The following TMEM51 variants were observed in gnomAD, a reference collection of about 807,000 sequenced individuals.
TMEM51 encodes the protein chromosome 1 open reading frame 72.
In TMEM51, 8 loss-of-function variants were observed where a neutral mutation model predicts 13.6. The ratio of observed to expected loss-of-function variants is 0.59; its 90% CI spans 0.35 to 1.07. The LOEUF is 1.07. Ranked by LOEUF, TMEM51 falls within the 50% of genes least tolerant of loss-of-function variation. TMEM51 has a pLI of 0.02. For missense variants in TMEM51, 279 were observed against 330.7 expected, an observed-to-expected ratio of 0.84 and a Z score of 1.21; for synonymous variants, 147 against 144.4, an observed-to-expected ratio of 1.02 and a Z score of -0.13.
intron 2 of TMEM51, among the ~76,000 whole-genome samples, chr1:15,212,770 G>C (rs1470288760): frequency 6.6e-6 from 1 of 152,212 alleles, no homozygotes; most frequent in Non-Finnish European, 1.5e-5. Flanking sequence ...TCAGCGCCCT[G>C]CACGCCACAC....
chr1:15,174,987 C>G (rs1175506305), intron 1 of TMEM51, among the ~76,000 whole-genome samples: 1 of 152,212 alleles, frequency 6.6e-6, no homozygotes, highest in Non-Finnish European at 1.5e-5. Context: ...AATATTCAGT[C>G]TGGACAGCAC....
intron 1 of TMEM51, among the ~76,000 whole-genome samples, chr1:15,184,268 G>A (rs1270108259): frequency 2.0e-5 from 3 of 152,124 alleles, no homozygotes; most frequent in African/African-American, 4.8e-5. Context: ...CTCGTGATCC[G>A]CCCACCTCGG....
chr1:15,212,629 C>T (rs1192260757), intron 2 of TMEM51, among the ~76,000 whole-genome samples: 1 of 152,176 alleles, frequency 6.6e-6, no homozygotes, highest in African/African-American at 2.4e-5. Flanking sequence ...TTGGTAGAAC[C>T]GGTGCATTCC....
At chr1:15,156,793 A>G (rs1642606868) in intron 1 of TMEM51, among the ~76,000 whole-genome samples, 1 of 152,222 alleles carries the variant, frequency 6.6e-6, no homozygotes, top group Admixed American at 6.5e-5. Flanking sequence ...GTTCAGCAGC[A>G]GAACTGGGAC....
At chr1:15,209,910 A>G (rs928710776) in intron 1 of TMEM51, among the ~76,000 whole-genome samples, 2 of 152,176 alleles carry the variant, frequency 1.3e-5, no homozygotes, top group East Asian at 3.9e-4. Context: ...GTGCGCCTGT[A>G]GTCCCAGCTA....
intron 1 of TMEM51, among the ~76,000 whole-genome samples, chr1:15,158,895 A>T (rs1642675947): frequency 6.6e-6 from 1 of 152,240 alleles, no homozygotes; most frequent in Non-Finnish European, 1.5e-5. Context: ...ACTAGAAAAT[A>T]GCATGCATTT....
At chr1:15,170,662 C>T (rs928700166) in intron 1 of TMEM51, among the ~76,000 whole-genome samples, 1 of 152,098 alleles carries the variant, frequency 6.6e-6, no homozygotes, top group African/African-American at 2.4e-5. Flanking sequence ...AGCACATTTA[C>T]AGTGCTGTGT....
chr1:15,211,160 G>A (rs969572757), intron 2 of TMEM51, among the ~76,000 whole-genome samples: 47 of 152,260 alleles, frequency 3.1e-4, no homozygotes, highest in African/African-American at 1.0e-3. Flanking sequence ...TATATAATCC[G>A]AGTGTTGTGA....
At chr1:15,155,586 C>T (rs567797517) in intron 1 of TMEM51, among the ~76,000 whole-genome samples, 1 of 152,236 alleles carries the variant, frequency 6.6e-6, no homozygotes, top group African/African-American at 2.4e-5. Flanking sequence ...CTGGAGTCCC[C>T]CCAGGGAACA....
chr1:15,162,631 T>G (rs1051209990), intron 1 of TMEM51, among the ~76,000 whole-genome samples: 1 of 152,088 alleles, frequency 6.6e-6, no homozygotes, highest in African/African-American at 2.4e-5. Flanking sequence ...CATCAAAGGA[T>G]GAATGAATAA....
Position 15,215,130 on chromosome 1 carries a change from A to C in TMEM51, c.43A>C (p.Thr15Pro), listed in dbSNP as rs1362727743. 3.1e-6 allele frequency: 5 copies of C among 1,613,936 alleles called. No homozygotes were observed. Among genetic ancestry groups the C allele is most frequent in the Non-Finnish European group, 4.2e-6 (5 of 1,180,052 alleles). Residue 15 changes from threonine to proline, a missense_variant, in exon 3 of 4, where the codon ACC becomes CCC. Physicochemically the swap from Thr to Pro is conservative, Grantham distance 38. Coordinates refer to ENST00000376008, the MANE Select transcript of TMEM51 (RefSeq NM_001136218.2). Reference sequence around the variant, plus strand: ...GGCCAATGGCTCGCACTATGCGCTGACCGCCATCGGCCTGGGGATGCTGGT... The same window carrying C: ...GGCCAATGGCTCGCACTATGCGCTGCCCGCCATCGGCCTGGGGATGCTGGT... ...SKANGSHYAL[T>P]AIGLGMLVLG... is the part of the protein sequence containing the mutation.
intron 1 of TMEM51, among the ~76,000 whole-genome samples, chr1:15,195,993 C>T (rs1644039826): frequency 6.6e-6 from 1 of 152,218 alleles, no homozygotes; most frequent in South Asian, 2.1e-4. Context: ...AAAGTTCCCT[C>T]CCCATCACTT....
chr1:15,168,752 C>T (rs1189083787), intron 1 of TMEM51: 2 of 1,304,162 alleles, frequency 1.5e-6, no homozygotes, highest in African/African-American at 1.5e-5. Context: ...AGCAGACAAA[C>T]TTGCTTCCCA....
intron 1 of TMEM51, among the ~76,000 whole-genome samples, chr1:15,155,948 G>C (rs975039995): frequency 6.6e-6 from 1 of 152,178 alleles, no homozygotes; most frequent in East Asian, 1.9e-4. Flanking sequence ...AGTTGGCGAG[G>C]ATCCTAGAGA....
chr1:15,201,014 G>A (rs1644146004), intron 1 of TMEM51, among the ~76,000 whole-genome samples: 1 of 152,222 alleles, frequency 6.6e-6, no homozygotes, highest in Non-Finnish European at 1.5e-5. Flanking sequence ...TATGGCACCT[G>A]CCAGCACGCA....
intron 1 of TMEM51, among the ~76,000 whole-genome samples, chr1:15,179,302 T>C (rs1472488923): frequency 6.6e-6 from 1 of 152,174 alleles, no homozygotes; most frequent in Admixed American, 6.5e-5. Flanking sequence ...CCTGACATTA[T>C]GCATTTCCTC....
At chr1:15,159,829 C>T (rs993169171) in intron 1 of TMEM51, among the ~76,000 whole-genome samples, 2 of 152,006 alleles carry the variant, frequency 1.3e-5, no homozygotes, top group Non-Finnish European at 2.9e-5. Context: ...AACCACCACA[C>T]CTAGCCTTCT....
Position 15,169,656 on chromosome 1 carries a change from C to T in TMEM51, c.-267+15702C>T, listed in dbSNP as rs188297437. Among the ~76,000 whole-genome samples, 10 of 152,104 alleles carry T rather than the reference C, an allele frequency of 6.6e-5. No individual in the cohort carries two copies. In the East Asian group the frequency reaches 1.9e-3, roughly 29 times the overall value. ...GAAATGTCTTCTTGTAGAAACAACC[C>T]AAATGTCCCATAAAAGCCTATGGTT... On this transcript the variant is annotated intron_variant, in intron 1 of 3. Transcript: ENST00000376008.
chr1:15,159,213 C>T (rs1557828788), intron 1 of TMEM51, among the ~76,000 whole-genome samples: 1 of 152,202 alleles, frequency 6.6e-6, no homozygotes, highest in Non-Finnish European at 1.5e-5. Flanking sequence ...AGCCATTGTT[C>T]GTCTAGCCTC....
Sources: gnomAD v4.1 joint callset for allele counts (sites outside exome capture counted in the v4.1 genomes callset) on GRCh38, gnomAD v4.1.1 for gene constraint, MANE v1.5 for transcripts, NCBI Gene and HGNC (gene_info 2026-07-23, HGNC 2026-07-21) for gene names.